The following CHKB variants were observed in gnomAD, a reference collection of about 807,000 sequenced individuals.
CHKB encodes the protein choline kinase beta, also known as choline/ethanolamine kinase.
CHKB carries 45 observed loss-of-function variants against 57.3 expected under a neutral mutation model. The observed-to-expected ratio is 0.79, with a 90% CI of 0.62 to 1.01. CHKB has a LOEUF of 1.01. CHKB is among the 50% of genes least tolerant of loss of function. The pLI is 0.00. For missense variants in CHKB, 517 were observed against 502.8 expected (o/e 1.03, Z -0.27); for synonymous variants, 224 against 201.8 (o/e 1.11, Z -0.93).
intron 2 of CHKB, 97 bp from the exon 3 acceptor site, chr22:50,581,959 C>A (rs1227229552): frequency 9.2e-7 from 1 of 1,087,126 alleles, no homozygotes; most frequent in East Asian, 2.4e-5. Flanking sequence ...ACTTCTGATC[C>A]AATTGCCTGG....
In CHKB at chr22:50,580,166, G is replaced by A. The variant is rs1353041396; in HGVS notation, c.818+24C>T. The stretch of plus-strand genomic sequence containing the variant: ...AAGAGCCCTATGGGAACAGATCTAT[G>A]GGAAGCCATCTTTCCAGCCTCACCT... On this transcript the variant is annotated intron_variant, in intron 7 of 10. Transcript: ENST00000406938. 2.5e-6 allele frequency: 4 copies of A among 1,613,408 alleles called. No homozygotes were observed. In the Admixed American group the frequency reaches 6.7e-5, roughly 27 times the overall value.
At position 50,579,969 on chromosome 22, in the gene CHKB, C is replaced by T; in HGVS notation, c.927+5G>A. On this transcript the variant is annotated splice_donor_5th_base_variant and intron_variant, in intron 8 of 10. Transcript: ENST00000406938. ...GTCCTGCTCCCCAGCCTCTGGCCCA[C>T]ATACCTGCTGTTCTTGAGTGGGGTA... 1 of 1,613,810 alleles carries T rather than the reference C, an allele frequency of 6.2e-7. No homozygotes were observed. Among genetic ancestry groups the T allele is most frequent in the Non-Finnish European group, 8.5e-7 (1 of 1,179,732 alleles).
chr22:50,579,143 G>A lies in CHKB; in HGVS notation c.*38C>T. On this transcript the variant is annotated 3_prime_UTR_variant, in exon 11 of 11. Coordinates refer to ENST00000406938, the MANE Select transcript of CHKB (RefSeq NM_005198.5). ...TTCCTCCCTCCAAGGTCCTGCCCTG[G>A]AGGCTCCAGGAGAAATCCAAGGAGT... The A allele has an allele frequency of 6.3e-7, 1 of 1,596,556 alleles. No individual in the cohort carries two copies. The highest frequency in any genetic ancestry group is 8.6e-7 in the Non-Finnish European group (1 of 1,167,084).
rs748201669 is a variant in CHKB, at chr22:50,582,773, G to T, written c.9C>A (p.Ala3=). ...CGCTTCCGGCCACAGCTGTCGCCTC[G>T]GCCGCCATGGCGCGGGCTCGACCGG... is the stretch of plus-strand genomic sequence containing the variant. MA[A]EATAVAGSGA... is the part of the protein sequence containing the mutation. Residue 3 remains alanine, a synonymous_variant, in exon 1 of 11, where the codon GCC becomes GCA. Coordinates refer to ENST00000406938, the MANE Select transcript of CHKB (RefSeq NM_005198.5). 1 of 1,573,452 alleles carries T rather than the reference G, an allele frequency of 6.4e-7. No homozygotes were observed. Among genetic ancestry groups the T allele is most frequent in the East Asian group, 2.4e-5 (1 of 42,468 alleles).
intron 9 of CHKB, 31 bp from the exon 10 acceptor site, chr22:50,579,538 T>C (rs1569052041): frequency 1.9e-6 from 3 of 1,609,286 alleles, no homozygotes; most frequent in East Asian, 2.2e-5. Context: ...GGAGGGGCAT[T>C]CAAGAGCATG....
In CHKB at chr22:50,580,288, A is replaced by C. The variant is rs763332214; in HGVS notation, c.737-17T>G. 2 of 1,613,834 alleles carry C rather than the reference A, an allele frequency of 1.2e-6. No individual in the cohort carries two copies. The highest frequency in any genetic ancestry group is 8.5e-7 in the Non-Finnish European group (1 of 1,179,992). ...AGATGTTCCCTGGGGGAATGGGGTG[A>C]GGTTCTGCTCACTCCAGAGCCCTCT... On this transcript the variant is annotated splice_polypyrimidine_tract_variant and intron_variant, in intron 6 of 10. Transcript: ENST00000406938.
chr22:50,580,133 C>A, intron 7 of CHKB, 51 bp from the exon 8 acceptor site: 2 of 1,613,152 alleles, frequency 1.2e-6, no homozygotes, highest in Non-Finnish European at 1.7e-6. Flanking sequence ...GGCAGCTGGC[C>A]TGTTTTCAAG....
rs575362967 is a variant in CHKB, at chr22:50,579,007, G to A, written c.*174C>T. 8.7e-6 allele frequency: 6 copies of A among 686,362 alleles called. No homozygotes were observed. The highest frequency in any genetic ancestry group is 1.6e-5 in the Non-Finnish European group (6 of 374,668). 42.5% of individuals were successfully genotyped at this position (686,362 alleles called of 1,614,324 possible). A position where few individuals can be genotyped will look rare whatever the true frequency, so the allele number is the denominator to read the frequency against. ...TATTGTGTTACATACACAGCACGGG[G>A]CTCTGGCCTGCCAGCCATGGGGACC... On this transcript the variant is annotated 3_prime_UTR_variant, in exon 11 of 11. Coordinates refer to ENST00000406938, the MANE Select transcript of CHKB (RefSeq NM_005198.5).
At chr22:50,580,327 T>C in intron 6 of CHKB, 31 bp downstream of exon 6, 1 of 1,613,964 alleles carries the variant, frequency 6.2e-7, no homozygotes, top group Non-Finnish European at 8.5e-7. Flanking sequence ...TCTTCCATCT[T>C]GGGTTAGGAG....
Position 50,579,400 on chromosome 22 carries a change from GCATTCC to G in CHKB, c.1113+20_1113+25del. On this transcript the variant is annotated intron_variant, in intron 10 of 10. Coordinates refer to ENST00000406938, the MANE Select transcript of CHKB (RefSeq NM_005198.5). ...CTGCTGCTCCCCAGCCCCCCAGCTA[GCATTCC>G]CATCCCCAGGGTCACTTACCAAGTA... 1 of 1,605,984 alleles carries G rather than the reference GCATTCC, an allele frequency of 6.2e-7. No individual in the cohort carries two copies. The highest frequency in any genetic ancestry group is 8.5e-7 in the Non-Finnish European group (1 of 1,175,166).
At chr22:50,582,394 G>C (rs1477742629) in intron 1 of CHKB, 37 bp from the exon 2 acceptor site, 4 of 1,514,870 alleles carry the variant, frequency 2.6e-6, no homozygotes, top group Non-Finnish European at 1.8e-6. Context: ...GCCCGCGGCC[G>C]GCCCTACCTG....
chr22:50,582,805 G>C lies in CHKB; in HGVS notation c.-24C>G, dbSNP rs1430359655. 2.6e-6 allele frequency: 4 copies of C among 1,541,564 alleles called. No individual in the cohort carries two copies. The highest frequency in any genetic ancestry group is 2.0e-5 in the Admixed American group (1 of 51,160). ...ATGGCGCGGGCTCGACCGGGCCCCA[G>C]GCCAGGCTGCGCTCCGCTCCCTTCG... On this transcript the variant is annotated 5_prime_UTR_variant, in exon 1 of 11. Coordinates refer to ENST00000406938, the MANE Select transcript of CHKB (RefSeq NM_005198.5).
chr22:50,580,064 G>A lies in CHKB; in HGVS notation c.837C>T (p.Asn279=), dbSNP rs1326270228. 2 of 1,613,926 alleles carry A rather than the reference G, an allele frequency of 1.2e-6. No homozygotes were observed. Among genetic ancestry groups the A allele is most frequent in the South Asian group, 2.2e-5 (2 of 91,082 alleles). The change falls in exon 8 of 11, where the codon AAC becomes AAT. Residue 279 remains asparagine (N), a synonymous_variant. Coordinates refer to ENST00000406938, the MANE Select transcript of CHKB (RefSeq NM_005198.5). The part of the protein sequence containing the change: ...SYNYRGFDIG[N]HFCEWVYDYT... ...AATCATAAACCCACTCACAAAAATGGTTCCCAATGTCAAAGCCCCTGGGAG... is the reference window on the plus strand; with the variant it reads ...AATCATAAACCCACTCACAAAAATGATTCCCAATGTCAAAGCCCCTGGGAG...
intron 8 of CHKB, 69 bp from the exon 9 acceptor site, chr22:50,579,899 G>C (rs749194510): frequency 3.1e-5 from 50 of 1,595,890 alleles, no homozygotes; most frequent in Non-Finnish European, 3.5e-5. Context: ...CATCCTTTCC[G>C]GCCATTCCTT....
At position 50,582,717 on chromosome 22, in the gene CHKB, C is replaced by A. The variant is rs755706573; in HGVS notation, c.65G>T (p.Gly22Val). 6.2e-7 allele frequency: 1 copy of A among 1,607,150 alleles called. No individual in the cohort carries two copies. Among genetic ancestry groups the A allele is most frequent in the South Asian group, 1.1e-5 (1 of 90,414 alleles). ...GAVGGCLAKD[G>V]LQQSKCPDTT... is the part of the protein sequence containing the mutation. ...GTCCGGGCACTTAGACTGCTGCAAG[C>A]CGTCTTTGGCCAGGCAGCCGCCAAC... The change falls in exon 1 of 11, where the codon GGC (glycine) becomes GTC (valine). Residue 22 changes from glycine (G) to valine (V), a missense_variant. Coordinates refer to ENST00000406938, the MANE Select transcript of CHKB (RefSeq NM_005198.5).
rs150676350 is a variant in CHKB at position 50,580,389 on chromosome 22, T to G, written c.705A>C (p.Pro235=). 65 of 1,613,888 alleles carry G rather than the reference T, an allele frequency of 4.0e-5. No individual in the cohort carries two copies. The highest frequency in any genetic ancestry group is 5.3e-5 in the Non-Finnish European group (63 of 1,180,028). The change falls in exon 6 of 11, where the codon CCA becomes CCC. Residue 235 remains proline (P), a synonymous_variant. Coordinates refer to ENST00000406938, the MANE Select transcript of CHKB (RefSeq NM_005198.5). The part of the protein sequence containing the change: ...LRKLLESTPS[P]VVFCHNDIQE... ...GGATGTCATTGTGGCAGAAGACGAC[T>G]GGCGATGGGGTAGACTCTAGTAACT...
chr22:50,580,672 A>G lies in CHKB; in HGVS notation c.582-12T>C, dbSNP rs368877893. The stretch of plus-strand genomic sequence containing the variant: ...TCTGTTTTAGGTACCTGAAGCCCAA[A>G]GAATAGGATACACTGGCTCTGCTAT... On this transcript the variant is annotated splice_polypyrimidine_tract_variant and intron_variant, in intron 4 of 10. Transcript: ENST00000406938. 1.9e-6 allele frequency: 3 copies of G among 1,611,930 alleles called. No individual in the cohort carries two copies. The highest frequency in any genetic ancestry group is 2.5e-6 in the Non-Finnish European group (3 of 1,178,374).
intron 1 of CHKB, 56 bp from the exon 2 acceptor site, chr22:50,582,413 C>G (rs1348942456): frequency 6.7e-7 from 1 of 1,485,320 alleles, no homozygotes; most frequent in Admixed American, 2.2e-5. Flanking sequence ...TGCCGCGGCC[C>G]CGGCCCCCTC....
intron 1 of CHKB, 48 bp downstream of exon 1, chr22:50,582,510 C>T (rs1222840666): frequency 6.4e-7 from 1 of 1,563,504 alleles, no homozygotes; most frequent in Non-Finnish European, 8.7e-7. Flanking sequence ...CGCGGCTGAC[C>T]CCTGACCCCG....
Sources: gnomAD v4.1 joint callset for allele counts on GRCh38, gnomAD v4.1.1 for gene constraint, MANE v1.5 for transcripts, NCBI Gene and HGNC (gene_info 2026-07-23, HGNC 2026-07-21) for gene names.